Variants in CYSLTR1 observed in about 807,000 individuals in gnomAD.
CYSLTR1 encodes the protein cysteinyl leukotriene receptor 1, also known as G-protein coupled receptor HG55.
In CYSLTR1, 1 loss-of-function variant was observed where a neutral mutation model predicts 2.1. The observed-to-expected ratio is 0.48, with a 90% CI of 0.17 to 2.28. The LOEUF is 2.28. Among genes scored for constraint, CYSLTR1 ranks in the 30% most tolerant of loss-of-function variants. CYSLTR1 has a pLI of 0.26. For synonymous variants in CYSLTR1, 110 were observed against 89.6 expected (o/e 1.23, Z -1.28); for missense variants, 299 against 250.1 (o/e 1.20, Z -1.32).
intron 1 of CYSLTR1, among the ~76,000 whole-genome samples, chrX:78,311,034 C>G (rs1354790488): frequency 2.7e-5 from 3 of 110,384 alleles, no homozygotes; most frequent in African/African-American, 9.9e-5. Context: ...GAATTGAAAG[C>G]TACTACAGCA....
At chrX:78,316,868 A>C (rs905187629) in intron 1 of CYSLTR1, among the ~76,000 whole-genome samples, 34 of 111,992 alleles carry the variant, frequency 3.0e-4, no homozygotes, top group Non-Finnish European at 5.8e-4. Flanking sequence ...TCTAAGACCC[A>C]AAACCATAAA....
At chrX:78,285,265 C>A (rs1210679664) in intron 1 of CYSLTR1, among the ~76,000 whole-genome samples, 2 of 109,346 alleles carry the variant, frequency 1.8e-5, no homozygotes, top group African/African-American at 3.3e-5. Flanking sequence ...CTGAAAAATA[C>A]AAAAAATTAG....
chrX:78,276,779 A>G (rs1337406272), intron 2 of CYSLTR1, among the ~76,000 whole-genome samples: 3 of 110,814 alleles, frequency 2.7e-5, no homozygotes, highest in East Asian at 2.8e-4. Context: ...AGATTGGCAC[A>G]CTACAAATTG....
At chrX:78,323,652 T>C (rs1054105709) in intron 1 of CYSLTR1, among the ~76,000 whole-genome samples, 2 of 112,170 alleles carry the variant, frequency 1.8e-5, no homozygotes, top group East Asian at 2.8e-4. Flanking sequence ...TCATATACTT[T>C]AGACATCTTG....
chrX:78,315,564 C>T (rs995910422), intron 1 of CYSLTR1, among the ~76,000 whole-genome samples: 1 of 111,301 alleles, frequency 9.0e-6, no homozygotes, highest in African/African-American at 3.3e-5. Flanking sequence ...GCAGCATTGA[C>T]TACAAGCTGA....
intron 1 of CYSLTR1, among the ~76,000 whole-genome samples, chrX:78,315,890 A>T (rs1040168875): frequency 5.4e-5 from 6 of 111,819 alleles, no homozygotes; most frequent in Non-Finnish European, 1.1e-4. Flanking sequence ...CTGATTATAG[A>T]TCCCCAGGGC....
intron 1 of CYSLTR1, among the ~76,000 whole-genome samples, chrX:78,298,097 T>C (rs1015706810): frequency 4.5e-5 from 5 of 111,338 alleles, no homozygotes; most frequent in Non-Finnish European, 9.5e-5. Flanking sequence ...GTTTCAAAAA[T>C]TTTTTCAATT....
chrX:78,294,417 T>G (rs1306069527), intron 1 of CYSLTR1, among the ~76,000 whole-genome samples: 1 of 112,604 alleles, frequency 8.9e-6, no homozygotes, highest in Non-Finnish European at 1.9e-5. Flanking sequence ...TGACTCCCTG[T>G]TAGTCTACAC....
chrX:78,317,172 G>A (rs1923449438), intron 1 of CYSLTR1, among the ~76,000 whole-genome samples: 3 of 111,834 alleles, frequency 2.7e-5, no homozygotes, highest in African/African-American at 9.7e-5. Flanking sequence ...AAGTGGAAAA[G>A]GGACATGTAT....
At position 78,295,711 on chromosome X, in the gene CYSLTR1, C is replaced by T. The variant is rs917120227; in HGVS notation, c.-114-12171G>A. Among the ~76,000 whole-genome samples the T allele has an allele frequency of 2.7e-5, 3 of 111,583 alleles. No individual in the cohort carries two copies. In the East Asian group the frequency reaches 8.4e-4, roughly 31 times the overall value. On this transcript the variant is annotated intron_variant, in intron 1 of 2. Transcript: ENST00000373304. ...TGTCTTCTTTCGAGAAATGTCTTTTCAAATCTTTTGCCCATTTTTTGATTA... is the reference window on the plus strand; with the variant it reads ...TGTCTTCTTTCGAGAAATGTCTTTTTAAATCTTTTGCCCATTTTTTGATTA...
intron 2 of CYSLTR1, among the ~76,000 whole-genome samples, chrX:78,280,149 A>G (rs751935288): frequency 4.5e-5 from 5 of 111,051 alleles, no homozygotes; most frequent in African/African-American, 1.6e-4. Context: ...ATAGACAAAA[A>G]TGTAACTCCT....
chrX:78,280,523 G>GT, intron 2 of CYSLTR1, among the ~76,000 whole-genome samples: 1 of 97,603 alleles, frequency 1.0e-5, no homozygotes, highest in East Asian at 4.5e-4. Flanking sequence ...GTGTGTGTGT[G>GT]TTGGGGGGGG....
chrX:78,299,652 G>C (rs1176639651), intron 1 of CYSLTR1, among the ~76,000 whole-genome samples: 1 of 111,173 alleles, frequency 9.0e-6, no homozygotes, highest in Non-Finnish European at 1.9e-5. Flanking sequence ...AAAGTATGCT[G>C]CCAGAGGTAT....
chrX:78,304,661 C>A (rs1244404335), intron 1 of CYSLTR1, among the ~76,000 whole-genome samples: 5 of 110,799 alleles, frequency 4.5e-5, no homozygotes, highest in Non-Finnish European at 9.4e-5. Flanking sequence ...TTATTGGGGT[C>A]TAAAGGAACT....
intron 1 of CYSLTR1, among the ~76,000 whole-genome samples, chrX:78,294,661 G>A (rs1043365315): frequency 1.8e-5 from 2 of 112,638 alleles, no homozygotes; most frequent in African/African-American, 6.5e-5. Context: ...CAGCTGCTTT[G>A]TTTACCTACT....
intron 1 of CYSLTR1, among the ~76,000 whole-genome samples, chrX:78,313,424 C>G (rs1360087251): frequency 9.0e-6 from 1 of 111,442 alleles, no homozygotes; most frequent in African/African-American, 3.3e-5. Context: ...ATGCAGTATA[C>G]TCATATAACA....
chrX:78,296,757 T>G (rs769022165), intron 1 of CYSLTR1, among the ~76,000 whole-genome samples: 1 of 112,251 alleles, frequency 8.9e-6, no homozygotes, highest in Non-Finnish European at 1.9e-5. Flanking sequence ...TGCAACTTTA[T>G]GGAATTTATT....
chrX:78,285,933 A>T (rs1321429945), intron 1 of CYSLTR1, among the ~76,000 whole-genome samples: 2 of 111,801 alleles, frequency 1.8e-5, no homozygotes, highest in Non-Finnish European at 3.8e-5. Context: ...AATGAAGTCA[A>T]ATGTGGTTGT....
At chrX:78,289,648 C>T (rs973029991) in intron 1 of CYSLTR1, among the ~76,000 whole-genome samples, 5 of 111,655 alleles carry the variant, frequency 4.5e-5, no homozygotes, top group East Asian at 2.8e-4. Context: ...TTTTAATGAT[C>T]GCCATTCTAA....
Sources: allele counts gnomAD v4.1 joint callset (sites outside exome capture counted in the v4.1 genomes callset), GRCh38; gene constraint gnomAD v4.1.1; transcripts MANE v1.5; gene names NCBI Gene and HGNC (gene_info 2026-07-23, HGNC 2026-07-21).